The following INSYN2A variants were observed in gnomAD, a reference collection of about 807,000 sequenced individuals.
INSYN2A encodes inhibitory synaptic factor 2A.
Under a neutral mutation model 39.4 loss-of-function variants are expected in INSYN2A, and 17 were observed. That is an observed-to-expected ratio of 0.43 (90% confidence interval 0.30 to 0.65). The LOEUF (loss-of-function observed/expected upper bound fraction) is 0.65, where lower values mean the gene tolerates loss of function less well. Ranked by LOEUF, INSYN2A falls within the 30% of genes least tolerant of loss-of-function variation. The probability of loss-of-function intolerance (pLI) is 0.14; values close to 1 mark genes in which losing one functional copy is unlikely to be tolerated. For synonymous variants in INSYN2A, 255 were observed against 265.7 expected (o/e 0.96, Z 0.39); for missense variants, 595 against 631.2 (o/e 0.94, Z 0.61).
Position 127,175,819 on chromosome 10 carries a change from T to G in INSYN2A, c.577A>C (p.Thr193Pro), listed in dbSNP as rs1257913156. Residue 193 changes from threonine to proline, a missense_variant, in exon 4 of 6, where the codon ACA becomes CCA. Coordinates refer to ENST00000522781, the MANE Select transcript of INSYN2A (RefSeq NM_001039762.3). This position sits in a 1 kb window ranked among gnomAD's most constrained non-coding sequence, Gnocchi z 6.3. ...TVDQPLGVNC[T>P]EPCKSPEPLS... ...GGCTCCGGGCTTTTACAGGGCTCTG[T>G]GCAGTTGACCCCCAAAGGCTGGTCC... 1.2e-6 allele frequency: 2 copies of G among 1,614,052 alleles called. No homozygotes were observed. The highest frequency in any genetic ancestry group is 2.2e-5 in the East Asian group (1 of 44,844).
chr10:127,152,527 C>T (rs913389124), intron 5 of INSYN2A, among the ~76,000 whole-genome samples: 1 of 152,182 alleles, frequency 6.6e-6, no homozygotes, highest in Non-Finnish European at 1.5e-5. Flanking sequence ...CCTCTTACAA[C>T]ACTCTAAGGT....
Position 127,164,721 on chromosome 10 carries a change from T to C in INSYN2A, c.1184+10491A>G, listed in dbSNP as rs190448845. 1.9e-3 allele frequency among the ~76,000 whole-genome samples: 291 copies of C among 152,360 alleles called. 2 individuals carry two copies. The highest frequency in any genetic ancestry group is 5.7e-3 in the Admixed American group (87 of 15,306). On this transcript the variant is annotated intron_variant, in intron 4 of 5. Transcript: ENST00000522781. ...GTGCCTTTTAATCATATTTTCATAA[T>C]ATAAAATCATAACATAAATATCAGG...
chr10:127,158,641 A>T (rs1382939532), intron 4 of INSYN2A, among the ~76,000 whole-genome samples: 1 of 152,202 alleles, frequency 6.6e-6, no homozygotes, highest in Non-Finnish European at 1.5e-5. Flanking sequence ...CTATTTAAAG[A>T]ATTCCAACTG....
rs2055065978 is a variant in INSYN2A, at chr10:127,175,851, T to C, written c.545A>G (p.Asn182Ser). The C allele has an allele frequency of 6.2e-7, 1 of 1,614,154 alleles. No individual in the cohort carries two copies. Among genetic ancestry groups the C allele is most frequent in the East Asian group, 2.2e-5 (1 of 44,856 alleles). The change falls in exon 4 of 6, where the codon AAC becomes AGC. Residue 182 changes from asparagine (N) to serine (S), a missense_variant. Asn to Ser is a conservative substitution (Grantham distance 46, BLOSUM62 1). Transcript: ENST00000522781. The surrounding 1 kb of genome is among the most constrained non-coding windows in gnomAD (Gnocchi z 6.3). ...GACCCCCAAAGGCTGGTCCACTGTG[T>C]TCATGTGTTGGTTGGAATGGAAAAC... ...ALVFHSNQHM[N>S]TVDQPLGVNC...
intron 5 of INSYN2A, among the ~76,000 whole-genome samples, chr10:127,147,659 AAC>A (rs2052019877): frequency 6.6e-6 from 1 of 151,932 alleles, no homozygotes; most frequent in Non-Finnish European, 1.5e-5. Flanking sequence ...TCCCTTGAAA[AAC>A]ACCTGTTCAA....
At chr10:127,147,754 TG>T (rs1796404421) in intron 5 of INSYN2A, among the ~76,000 whole-genome samples, 1 of 151,308 alleles carries the variant, frequency 6.6e-6, no homozygotes, top group African/African-American at 2.4e-5. Flanking sequence ...TGTCCTTGTC[TG>T]GGCACGGTGG....
Position 127,175,898 on chromosome 10 carries a change from C to T in INSYN2A, c.498G>A (p.Arg166=), listed in dbSNP as rs1165460780. 2.5e-6 allele frequency: 4 copies of T among 1,614,062 alleles called. No homozygotes were observed. In the African/African-American group the frequency reaches 5.3e-5, roughly 22 times the overall value. ...AAACCAAGGCTGTGGTCTTGTGCAC[C>T]CGCCCCGCGCCACATGGCCGGGCCT... is the stretch of plus-strand genomic sequence containing the variant. ...MEEARPCGAG[R]VHKTTALVFH... Residue 166 remains arginine, a synonymous_variant, in exon 4 of 6, where the codon CGG becomes CGA. Transcript: ENST00000522781. This position sits in a 1 kb window ranked among gnomAD's most constrained non-coding sequence, Gnocchi z 6.3.
At chr10:127,194,075 G>A (rs2056932811) in intron 1 of INSYN2A, among the ~76,000 whole-genome samples, 1 of 152,196 alleles carries the variant, frequency 6.6e-6, no homozygotes, top group African/African-American at 2.4e-5. Context: ...GCTTTTCAAG[G>A]ACATCTTGTC....
intron 2 of INSYN2A, among the ~76,000 whole-genome samples, chr10:127,190,368 C>A (rs1488638100): frequency 6.6e-6 from 1 of 152,170 alleles, no homozygotes; most frequent in Non-Finnish European, 1.5e-5. Flanking sequence ...CAAAAAGTTA[C>A]AAGTGGAAAT....
intron 4 of INSYN2A, among the ~76,000 whole-genome samples, chr10:127,169,797 G>A (rs1459120480): frequency 6.6e-6 from 1 of 152,154 alleles, no homozygotes; most frequent in East Asian, 1.9e-4. Flanking sequence ...TACCTCTTAA[G>A]TATGTGTATG....
At chr10:127,180,406 T>G (rs992364386) in intron 2 of INSYN2A, among the ~76,000 whole-genome samples, 6 of 152,212 alleles carry the variant, frequency 3.9e-5, no homozygotes, top group African/African-American at 1.4e-4. Flanking sequence ...TTCATAAAGT[T>G]TATTTTTCGT....
chr10:127,185,648 G>A (rs2056163066), intron 2 of INSYN2A, among the ~76,000 whole-genome samples: 1 of 152,204 alleles, frequency 6.6e-6, no homozygotes, highest in Non-Finnish European at 1.5e-5. Context: ...GTAGAACCTG[G>A]CTGTATAATG....
chr10:127,163,283 G>A (rs1382872214), intron 4 of INSYN2A, among the ~76,000 whole-genome samples: 1 of 152,090 alleles, frequency 6.6e-6, no homozygotes, highest in African/African-American at 2.4e-5. Context: ...CATGCCCAGT[G>A]AAAGTCAGTT....
At chr10:127,180,761 G>A (rs2055648360) in intron 2 of INSYN2A, among the ~76,000 whole-genome samples, 1 of 152,122 alleles carries the variant, frequency 6.6e-6, no homozygotes, top group African/African-American at 2.4e-5. Context: ...CACTCTGGGC[G>A]GCCATTAAAA....
intron 4 of INSYN2A, among the ~76,000 whole-genome samples, chr10:127,161,277 T>C (rs1008106476): frequency 6.6e-6 from 1 of 152,214 alleles, no homozygotes. Flanking sequence ...AGCCAATTTA[T>C]GGTTGCTAAA....
chr10:127,150,221 G>C (rs139217876), intron 5 of INSYN2A, among the ~76,000 whole-genome samples: 1 of 152,316 alleles, frequency 6.6e-6, no homozygotes, highest in Non-Finnish European at 1.5e-5. Context: ...AACTCACTGG[G>C]TTCTGAACAC....
intron 4 of INSYN2A, among the ~76,000 whole-genome samples, chr10:127,154,215 C>A (rs894690982): frequency 1.3e-5 from 2 of 152,140 alleles, no homozygotes; most frequent in East Asian, 3.9e-4. Context: ...TGTTTCAATG[C>A]AGATTTATGG....
intron 2 of INSYN2A, among the ~76,000 whole-genome samples, chr10:127,190,015 G>A (rs928862910): frequency 2.6e-5 from 4 of 152,128 alleles, no homozygotes; most frequent in African/African-American, 7.2e-5. Context: ...GTGAGCTCTG[G>A]TGAAAACTCT....
intron 2 of INSYN2A, among the ~76,000 whole-genome samples, chr10:127,178,541 C>G (rs1183241160): frequency 6.6e-6 from 1 of 152,198 alleles, no homozygotes; most frequent in African/African-American, 2.4e-5. Context: ...CAGAGAACCA[C>G]TGCATTAGCC....
Sources: gnomAD v4.1 joint callset for allele counts (sites outside exome capture counted in the v4.1 genomes callset) on GRCh38, gnomAD v4.1.1 for gene constraint, Gnocchi (gnomAD v3.1) non-coding constraint, MANE v1.5 for transcripts, NCBI Gene and HGNC (gene_info 2026-07-23, HGNC 2026-07-21) for gene names.